INPP5F: variants seen among roughly 807,000 people sequenced by gnomAD.
INPP5F encodes phosphatidylinositide 4-phosphatase SAC2.
A neutral mutation model predicts 137.2 loss-of-function variants in INPP5F; 97 were observed. That is an observed-to-expected ratio of 0.71 (90% confidence interval 0.60 to 0.84). The LOEUF is 0.84. Ranked by LOEUF, INPP5F falls within the 40% of genes least tolerant of loss-of-function variation. The pLI is 0.00. For missense variants in INPP5F, 1,271 were observed against 1,371.9 expected (o/e 0.93, Z 1.16); for synonymous variants, 504 against 476.9 (o/e 1.06, Z -0.74).
chr10:119,816,901 G>A (rs1589751098), intron 15 of INPP5F, among the ~76,000 whole-genome samples: 2 of 152,162 alleles, frequency 1.3e-5, no homozygotes, highest in Non-Finnish European at 2.9e-5. Flanking sequence ...TCAGTGGTTT[G>A]TAGTATATTC....
Position 119,807,948 on chromosome 10 carries a change from T to G in INPP5F, c.1457T>G (p.Val486Gly). The G allele has an allele frequency of 6.2e-7, 1 of 1,611,548 alleles. No individual in the cohort carries two copies. ...VMEQQLKKLGVMPPEQPLPVK... is the reference protein window; with the variant it reads ...VMEQQLKKLGGMPPEQPLPVK... ...TCATTTTAGCTGAAAAAATTAGGTG[T>G]GATGCCCCCGGAACAGCCATTACCT... Residue 486 changes from valine to glycine, a missense_variant, in exon 13 of 20, where the codon GTG (valine) becomes GGG (glycine). Transcript: ENST00000650623.
At chr10:119,740,133 C>T (rs949409874) in intron 1 of INPP5F, among the ~76,000 whole-genome samples, 2 of 152,104 alleles carry the variant, frequency 1.3e-5, no homozygotes, top group Non-Finnish European at 2.9e-5. Flanking sequence ...GTAGTTTCCC[C>T]AGCCTTAGGA....
chr10:119,797,201 C>G lies in INPP5F; in HGVS notation c.869-260C>G, dbSNP rs7920504. On this transcript the variant is annotated intron_variant, in intron 7 of 19. Transcript: ENST00000650623. ...GGCACTCCACTGACAGCCTGTATCA[C>G]CGTGATAAATCCTTCCTATGTGCTA... 2.7e-3 allele frequency among the ~76,000 whole-genome samples: 412 copies of G among 152,288 alleles called. 2 individuals carry two copies. Among genetic ancestry groups the G allele is most frequent in the African/African-American group, 9.6e-3 (398 of 41,564 alleles).
Position 119,827,944 on chromosome 10 carries a change from G to A in INPP5F, c.*164G>A. ...CCTGAGTAGATTTCCAAATTTTACAGCCAGGACTACAGAAGTGCATCATTC... is the reference window on the plus strand; with the variant it reads ...CCTGAGTAGATTTCCAAATTTTACAACCAGGACTACAGAAGTGCATCATTC... On this transcript the variant is annotated 3_prime_UTR_variant, in exon 20 of 20. Transcript: ENST00000650623. The A allele has an allele frequency of 1.7e-6, 1 of 591,824 alleles. No homozygotes were observed. Among genetic ancestry groups the A allele is most frequent in the Non-Finnish European group, 3.0e-6 (1 of 338,580 alleles). 36.7% of individuals were successfully genotyped at this position (591,824 alleles called of 1,614,324 possible). A position where few individuals can be genotyped will look rare whatever the true frequency, so the allele number is the denominator to read the frequency against.
intron 2 of INPP5F, among the ~76,000 whole-genome samples, chr10:119,776,409 T>TG (rs1849524375): frequency 1.3e-5 from 2 of 152,014 alleles, no homozygotes; most frequent in African/African-American, 4.8e-5. Flanking sequence ...CAATACCATG[T>TG]TTTTGTGGGA....
At chr10:119,764,026 T>C (rs560676577) in intron 2 of INPP5F, among the ~76,000 whole-genome samples, 77 of 152,352 alleles carry the variant, frequency 5.1e-4, no homozygotes, top group Admixed American at 9.8e-4. Flanking sequence ...GGTTCATGTT[T>C]TCTACTGACA....
rs375928653 is a variant in INPP5F, at chr10:119,808,428, A to G, written c.1569+368A>G. On this transcript the variant is annotated intron_variant, in intron 13 of 19. Coordinates refer to ENST00000650623, the MANE Select transcript of INPP5F (RefSeq NM_014937.4). ...GTTTTGGCCACCAGTGTCATACTTC[A>G]TCTTTGAGTTTGAATCCCAACCCTG... is the stretch of plus-strand genomic sequence containing the variant. 4.6e-5 allele frequency among the ~76,000 whole-genome samples: 7 copies of G among 152,326 alleles called. No individual in the cohort carries two copies. In the East Asian group the frequency reaches 9.6e-4, roughly 21 times the overall value.
chr10:119,747,294 G>A (rs1459760260), intron 1 of INPP5F, among the ~76,000 whole-genome samples: 1 of 151,648 alleles, frequency 6.6e-6, no homozygotes, highest in African/African-American at 2.4e-5. Flanking sequence ...TATGATCTCA[G>A]TTCACTGCAG....
chr10:119,806,609 T>C, intron 12 of INPP5F, 129 bp downstream of exon 12: 2 of 805,376 alleles, frequency 2.5e-6, no homozygotes, highest in Non-Finnish European at 3.6e-6. Flanking sequence ...ACAAACACCC[T>C]TGTTGCATTA....
In INPP5F at chr10:119,822,525, C is replaced by T. The variant is rs764005762; in HGVS notation, c.2032+21C>T. 1.7e-5 allele frequency: 20 copies of T among 1,191,578 alleles called. No individual in the cohort carries two copies. In the African/African-American group the frequency reaches 2.3e-4, roughly 14 times the overall value. 73.8% of individuals were successfully genotyped at this position (1,191,578 alleles called of 1,614,324 possible). On this transcript the variant is annotated intron_variant, in intron 17 of 19. Coordinates refer to ENST00000650623, the MANE Select transcript of INPP5F (RefSeq NM_014937.4). ...AATAGGTAAGTTTTAACATACTAAT[C>T]AAGTCATCAAAAGCAAATGCTGTTG...
chr10:119,792,757 AT>A (rs1458107537), intron 6 of INPP5F, among the ~76,000 whole-genome samples: 1 of 152,120 alleles, frequency 6.6e-6, no homozygotes, highest in African/African-American at 2.4e-5. Context: ...TTGGTCATGT[AT>A]GTTGGAAAAT....
intron 2 of INPP5F, among the ~76,000 whole-genome samples, chr10:119,752,299 T>TA (rs1448278796): frequency 2.6e-5 from 4 of 152,112 alleles, no homozygotes; most frequent in African/African-American, 2.4e-5. Context: ...AGAAATGAAA[T>TA]ATGGGCCAGG....
chr10:119,776,236 A>G (rs1222404977), intron 2 of INPP5F, among the ~76,000 whole-genome samples: 3 of 152,202 alleles, frequency 2.0e-5, no homozygotes, highest in Non-Finnish European at 4.4e-5. Flanking sequence ...ATATTTTCTC[A>G]GATTTAATCT....
intron 1 of INPP5F, among the ~76,000 whole-genome samples, chr10:119,731,034 G>A (rs1386461412): frequency 6.6e-6 from 1 of 151,834 alleles, no homozygotes. Flanking sequence ...TGATCCGCCC[G>A]CCTCTGCCTC....
rs764850551 is a variant in INPP5F at position 119,792,192 on chromosome 10, A to G, written c.648A>G (p.Ile216Met). The change falls in exon 6 of 20, where the codon ATA (isoleucine) becomes ATG (methionine). Residue 216 changes from isoleucine to methionine, a missense_variant. Around this residue, in one of 6 missense-constraint regions of INPP5F, gnomAD observed 593 missense variants for 712.4 expected, o/e 0.83. Coordinates refer to ENST00000650623, the MANE Select transcript of INPP5F (RefSeq NM_014937.4). ...GATTTTTTTGGAATAAATACATGAT[A>G]CAAGATCTTACTGAGATTGGTGTGA... ...DDRFFWNKYM[I>M]QDLTEIGTPD... 1.2e-5 allele frequency: 19 copies of G among 1,613,114 alleles called. No homozygotes were observed. Among genetic ancestry groups the G allele is most frequent in the Non-Finnish European group, 1.5e-5 (18 of 1,179,144 alleles).
chr10:119,802,914 C>T (rs1850642779), intron 9 of INPP5F, among the ~76,000 whole-genome samples: 1 of 152,122 alleles, frequency 6.6e-6, no homozygotes. Flanking sequence ...GGTGAAAACT[C>T]ATTTTCTGTT....
intron 1 of INPP5F, among the ~76,000 whole-genome samples, chr10:119,729,923 T>A (rs1256620005): frequency 1.3e-5 from 2 of 151,968 alleles, no homozygotes; most frequent in Admixed American, 1.3e-4. Context: ...TACTTTCCTC[T>A]TTAACATTAT....
At chr10:119,821,467 G>A (rs1326206623) in intron 16 of INPP5F, among the ~76,000 whole-genome samples, 1 of 152,200 alleles carries the variant, frequency 6.6e-6, no homozygotes, top group East Asian at 1.9e-4. Context: ...AGTGCTAGTA[G>A]CAAAATACAA....
intron 16 of INPP5F, among the ~76,000 whole-genome samples, chr10:119,821,864 CTTTTTTT>C (rs11347174): frequency 3.4e-5 from 3 of 88,154 alleles, no homozygotes; most frequent in East Asian, 3.4e-4. Context: ...CTTGTAGTTG[CTTTTTTT>C]TTTTTTTTTT....
Sources: allele counts gnomAD v4.1 joint callset (sites outside exome capture counted in the v4.1 genomes callset), GRCh38; gene constraint gnomAD v4.1.1; regional missense constraint gnomAD v4.1.1; transcripts MANE v1.5; gene names NCBI Gene and HGNC (gene_info 2026-07-23, HGNC 2026-07-21).